ZMYM3: variants seen among roughly 807,000 people sequenced by gnomAD.
ZMYM3 encodes the protein zinc finger MYM-type containing 3.
ZMYM3 carries 6 observed loss-of-function variants against 94.2 expected under a neutral mutation model. The ratio of observed to expected loss-of-function variants is 0.06; its 90% confidence interval spans 0.03 to 0.13. The LOEUF is 0.13. Among genes scored for constraint, ZMYM3 ranks in the 10% least tolerant of loss-of-function variants. The pLI, the probability that ZMYM3 is intolerant of heterozygous loss-of-function variation, is 1.00. For missense variants in ZMYM3, 664 were observed against 1,132.6 expected (o/e 0.59, Z 5.94); for synonymous variants, 420 against 426.5 (o/e 0.98, Z 0.19).
rs1376678421 is a variant in ZMYM3 at position 71,253,095 on chromosome X, G to A, written c.161C>T (p.Ser54Leu). 7.5e-6 allele frequency: 9 copies of A among 1,200,639 alleles called. No individual in the cohort carries two copies. The highest frequency in any genetic ancestry group is 1.0e-5 in the Non-Finnish European group (9 of 890,394). The change falls in exon 2 of 25, where the codon TCG (serine) becomes TTG (leucine). Residue 54 changes from serine (S) to leucine (L), a missense_variant. Transcript: ENST00000314425. ...GGTATCAAGCAGGTCCAGGGCTCCC[G>A]AGGATGGAGAAGGGCCAGGGGGGGC... ...GWAPPGPSPS[S>L]GALDLLDTPA...
chrX:71,251,449 T>G (rs1180273382), intron 3 of ZMYM3, 109 bp downstream of exon 3: 3 of 1,040,631 alleles, frequency 2.9e-6, no homozygotes, highest in East Asian at 3.4e-5. Flanking sequence ...TCCTCCTAAC[T>G]CTCCTTACAC....
chrX:71,242,056 G>A, intron 23 of ZMYM3, 114 bp downstream of exon 23: 2 of 1,027,277 alleles, frequency 1.9e-6, no homozygotes, highest in Non-Finnish European at 2.6e-6. Context: ...AACAGGAGAG[G>A]GAAGCTAGGC....
intron 18 of ZMYM3, 40 bp from the exon 19 acceptor site, chrX:71,244,933 A>C (rs1464868144): frequency 1.8e-6 from 2 of 1,083,058 alleles, no homozygotes; most frequent in Non-Finnish European, 2.5e-6. Context: ...ATTTCTTAAG[A>C]TCTCAACCCT....
In ZMYM3 at chrX:71,249,511, C is replaced by T; in HGVS notation, c.1420G>A (p.Gly474Ser). 1 of 1,203,634 alleles carries T rather than the reference C, an allele frequency of 8.3e-7. No individual in the cohort carries two copies. The highest frequency in any genetic ancestry group is 1.1e-6 in the Non-Finnish European group (1 of 891,309). ...SPGPELLFHE[G>S]QQKRFCNTTC... is the part of the protein sequence containing the mutation. ...GTGTTGCAGAACCGCTTTTGTTGGCCCTCGTGGAAGAGGAGCTCAGGGCCA... is the reference window on the plus strand; with the variant it reads ...GTGTTGCAGAACCGCTTTTGTTGGCTCTCGTGGAAGAGGAGCTCAGGGCCA... Residue 474 changes from glycine to serine, a missense_variant, in exon 7 of 25, where the codon GGC becomes AGC. Transcript: ENST00000314425.
At chrX:71,252,021 G>A in intron 2 of ZMYM3, 1 of 220,153 alleles carries the variant, frequency 4.5e-6, no homozygotes, top group Non-Finnish European at 6.6e-6. Context: ...CCTCGTCACA[G>A]CCTGATAGAG....
At chrX:71,251,462 A>G in intron 3 of ZMYM3, 96 bp downstream of exon 3, 1 of 1,075,736 alleles carries the variant, frequency 9.3e-7, no homozygotes, top group Non-Finnish European at 1.2e-6. Context: ...CCTTACACAC[A>G]CTCTCTACAG....
rs367862111 is a variant in ZMYM3 at position 71,250,057 on chromosome X, G to A, written c.1220C>T (p.Thr407Ile). The A allele has an allele frequency of 3.4e-6, 4 of 1,191,973 alleles. No homozygotes were observed. The highest frequency in any genetic ancestry group is 4.5e-6 in the Non-Finnish European group (4 of 887,145). ...AGTCTTCTGGCATATGCTGCAGCGA[G>A]TAGCGTCGGCGGGATCCCCAGACTG... ...IPQSGDPADA[T>I]RCSICQKTGE... The change falls in exon 6 of 25, where the codon ACT (threonine) becomes ATT (isoleucine). Residue 407 changes from threonine to isoleucine, a missense_variant. Physicochemically the swap from Thr to Ile is moderately conservative, Grantham distance 89. Coordinates refer to ENST00000314425, the MANE Select transcript of ZMYM3 (RefSeq NM_201599.3).
At chrX:71,246,228 C>G (rs193130766) in intron 15 of ZMYM3, 125 bp downstream of exon 15, 1 of 1,084,575 alleles carries the variant, frequency 9.2e-7, no homozygotes, top group Admixed American at 2.4e-5. Context: ...CTCTATGATT[C>G]TAGGACAACC....
Position 71,246,468 on chromosome X carries a change from T to TGTTGGGGGGGGGGGGGGGGGG in ZMYM3, c.2456_2457insCCCCCCCCCCCCCCCCCCAAC (p.Pro824_Ala825insProThrProProProProPro). 1 of 115,368 alleles carries TGTTGGGGGGGGGGGGGGGGGG rather than the reference T, an allele frequency of 8.7e-6. No individual in the cohort carries two copies. Among genetic ancestry groups the TGTTGGGGGGGGGGGGGGGGGG allele is most frequent in the Admixed American group, 3.5e-4 (1 of 2,838 alleles). 9.5% of individuals were successfully genotyped at this position (115,368 alleles called of 1,213,427 possible). A position where few individuals can be genotyped will look rare whatever the true frequency, so the allele number is the denominator to read the frequency against. ...GGGGTGTTGCTGGGGGTGGTGGGGG[T>TGTTGGGGGGGGGGGGGGGGGG]GGAGGGGTGGGAGCAGTGGGAGCTG... On this transcript the variant is annotated inframe_insertion, in exon 15 of 25. Coordinates refer to ENST00000314425, the MANE Select transcript of ZMYM3 (RefSeq NM_201599.3).
chrX:71,248,570 C>A, intron 9 of ZMYM3, 46 bp from the exon 10 acceptor site: 1 of 1,179,440 alleles, frequency 8.5e-7, no homozygotes, highest in African/African-American at 1.7e-5. Context: ...ATGTGTGCAG[C>A]GGTGGGGAAG....
chrX:71,243,862 G>A lies in ZMYM3; in HGVS notation c.3399C>T (p.Asp1133=), dbSNP rs939356916. ...TGCCAAGACACAAATAGTAGATACTGTCAGGTTCATATCGTTCACCATTGG... is the reference window on the plus strand; with the variant it reads ...TGCCAAGACACAAATAGTAGATACTATCAGGTTCATATCGTTCACCATTGG... ...TRPNGERYEP[D]SIYYLCLGIQ... is the part of the protein sequence containing the mutation. The change falls in exon 21 of 25, where the codon GAC becomes GAT. Residue 1133 remains aspartate, a synonymous_variant. Coordinates refer to ENST00000314425, the MANE Select transcript of ZMYM3 (RefSeq NM_201599.3). 2 of 1,209,824 alleles carry A rather than the reference G, an allele frequency of 1.7e-6. No individual in the cohort carries two copies. The highest frequency in any genetic ancestry group is 2.2e-6 in the Non-Finnish European group (2 of 895,255).
intron 19 of ZMYM3, 78 bp downstream of exon 19, chrX:71,244,712 G>A: frequency 1.1e-6 from 1 of 950,366 alleles, no homozygotes; most frequent in Non-Finnish European, 1.5e-6. Context: ...TCAAACTATG[G>A]TTGCTGGCTT....
intron 22 of ZMYM3, 61 bp downstream of exon 22, chrX:71,242,909 G>A (rs778714542): frequency 2.2e-5 from 23 of 1,069,032 alleles, no homozygotes; most frequent in East Asian, 1.8e-4. Context: ...CAGGACTCTC[G>A]GGATGGTGGA....
intron 6 of ZMYM3, 109 bp from the exon 7 acceptor site, chrX:71,249,788 C>A: frequency 9.0e-7 from 1 of 1,111,709 alleles, no homozygotes. Flanking sequence ...GACAGTGGGC[C>A]CAGGGACCCC....
At position 71,250,861 on chromosome X, in the gene ZMYM3, A is replaced by G. The variant is rs2030428077; in HGVS notation, c.779-135T>C. 6.3e-6 allele frequency: 4 copies of G among 638,637 alleles called. No homozygotes were observed. The Admixed American group carries it at 1.1e-4, about 18-fold the overall frequency. 52.6% of individuals were successfully genotyped at this position (638,637 alleles called of 1,213,427 possible). On this transcript the variant is annotated intron_variant, in intron 4 of 24. Coordinates refer to ENST00000314425, the MANE Select transcript of ZMYM3 (RefSeq NM_201599.3). ...ACACCCTGGCCCTTGTTACATCAGTATCTTAAGACCTTGGTGTCTCTCTCC... is the reference window on the plus strand; with the variant it reads ...ACACCCTGGCCCTTGTTACATCAGTGTCTTAAGACCTTGGTGTCTCTCTCC...
chrX:71,250,794 C>A, intron 4 of ZMYM3, 68 bp from the exon 5 acceptor site: 1 of 1,019,407 alleles, frequency 9.8e-7, no homozygotes, highest in Non-Finnish European at 1.3e-6. Context: ...CCCTGACCAA[C>A]AGTTCAGTCC....
At chrX:71,249,762 C>A in intron 6 of ZMYM3, 83 bp from the exon 7 acceptor site, 2 of 1,137,302 alleles carry the variant, frequency 1.8e-6, no homozygotes, top group South Asian at 4.3e-5. Flanking sequence ...CCACCTCACC[C>A]TAGACCTTCA....
intron 13 of ZMYM3, among the ~76,000 whole-genome samples, 184 bp from the exon 14 acceptor site, chrX:71,246,876 A>C (rs140381958): frequency 0.011 from 1,198 of 111,464 alleles, 16 homozygotes; most frequent in African/African-American, 0.038. Flanking sequence ...CTAAAAGATT[A>C]TTTGTTCCTG....
At chrX:71,249,207 G>A in intron 7 of ZMYM3, 38 bp from the exon 8 acceptor site, 1 of 1,202,055 alleles carries the variant, frequency 8.3e-7, no homozygotes, top group Non-Finnish European at 1.1e-6. Flanking sequence ...GGCTGGATTT[G>A]TCCCTTCACT....
Sources: allele counts gnomAD v4.1 joint callset (sites outside exome capture counted in the v4.1 genomes callset), GRCh38; gene constraint gnomAD v4.1.1; transcripts MANE v1.5; gene names NCBI Gene and HGNC (gene_info 2026-07-23, HGNC 2026-07-21).